The following NTM variants were observed in gnomAD, a reference collection of about 807,000 sequenced individuals.
The protein encoded by NTM is IgLON family member 2.
Under a neutral mutation model 42.1 loss-of-function variants are expected in NTM, and 13 were observed. The observed-to-expected ratio is 0.31, with a 90% CI of 0.20 to 0.49. The LOEUF is 0.49. Among genes scored for constraint, NTM ranks in the 20% least tolerant of loss-of-function variants. The probability of loss-of-function intolerance (pLI) is 0.99; values close to 1 mark genes in which losing one functional copy is unlikely to be tolerated. For missense variants in NTM, 373 were observed against 452.8 expected, an observed-to-expected ratio of 0.82 and a Z score of 1.60; for synonymous variants, 187 against 179.2, an observed-to-expected ratio of 1.04 and a Z score of -0.35.
At chr11:132,029,312 T>G (rs141465817) in intron 2 of NTM, among the ~76,000 whole-genome samples, 7,327 of 151,350 alleles carry the variant, frequency 0.048, 247 homozygotes, top group Non-Finnish European at 0.073. Context: ...TTAACATTAG[T>G]TATATCTCCT....
intron 1 of NTM, among the ~76,000 whole-genome samples, chr11:131,527,010 T>A (rs2050582196): frequency 6.6e-6 from 1 of 152,190 alleles, no homozygotes; most frequent in East Asian, 1.9e-4. Context: ...GCAGTTTAGT[T>A]GGTGATTTCA....
intron 1 of NTM, chr11:131,582,278 C>A (rs754790357): frequency 6.6e-6 from 1 of 152,216 alleles, no homozygotes; most frequent in Non-Finnish European, 1.5e-5. Flanking sequence ...GGACTCGAAT[C>A]TACGCCGACT....
At chr11:132,223,373 T>C (rs1016953840) in intron 4 of NTM, among the ~76,000 whole-genome samples, 1 of 152,110 alleles carries the variant, frequency 6.6e-6, no homozygotes, top group African/African-American at 2.4e-5. Context: ...ATTGTAGACT[T>C]AAATAGAGTG....
intron 2 of NTM, among the ~76,000 whole-genome samples, chr11:132,059,713 G>A (rs1054792831): frequency 3.3e-5 from 5 of 151,840 alleles, no homozygotes; most frequent in African/African-American, 7.3e-5. Context: ...AGAGCCCTTC[G>A]AATCCTCCCC....
chr11:132,024,378 T>C (rs1283050802), intron 2 of NTM, among the ~76,000 whole-genome samples: 1 of 152,190 alleles, frequency 6.6e-6, no homozygotes, highest in Non-Finnish European at 1.5e-5. Context: ...AATCTGCAGA[T>C]GCTCAAACCC....
chr11:131,713,207 A>C (rs2077356060), intron 1 of NTM, among the ~76,000 whole-genome samples: 1 of 152,224 alleles, frequency 6.6e-6, no homozygotes, highest in Non-Finnish European at 1.5e-5. Context: ...CAAAACGGAA[A>C]CATGGTTAAG....
At chr11:131,839,933 G>C (rs2044013643) in intron 1 of NTM, among the ~76,000 whole-genome samples, 2 of 152,214 alleles carry the variant, frequency 1.3e-5, no homozygotes, top group Admixed American at 6.5e-5. Context: ...TTGAGTATTA[G>C]AGACAGGGAG....
intron 1 of NTM, chr11:131,796,317 G>A (rs559909538): frequency 1.8e-3 from 499 of 282,896 alleles, no homozygotes; most frequent in African/African-American, 0.01. Flanking sequence ...GAGCACGCAG[G>A]AGGCAGGAGG....
At position 131,604,200 on chromosome 11, in the gene NTM, C is replaced by CT. The variant is rs372730069; in HGVS notation, c.82+233319dup. On this transcript the variant is annotated intron_variant, in intron 1 of 8. Coordinates refer to ENST00000683400, the MANE Select transcript of NTM (RefSeq NM_001352005.2). ...CTCCTCAATCCTTGTTATGATCTGT[C>CT]TTTTTTTACTATAACCTTCCTCGTG... is the stretch of plus-strand genomic sequence containing the variant. 4.6e-5 allele frequency among the ~76,000 whole-genome samples: 7 copies of CT among 152,138 alleles called. No individual in the cohort carries two copies. In the East Asian group the frequency reaches 5.8e-4, roughly 13 times the overall value.
At chr11:131,849,172 G>A (rs746373628) in intron 1 of NTM, among the ~76,000 whole-genome samples, 13 of 152,194 alleles carry the variant, frequency 8.5e-5, no homozygotes, top group Admixed American at 1.3e-4. Flanking sequence ...AGATAGTGAC[G>A]TAGATCCTGC....
chr11:131,552,270 A>G (rs1430218234), intron 1 of NTM, among the ~76,000 whole-genome samples: 1 of 152,200 alleles, frequency 6.6e-6, no homozygotes, highest in African/African-American at 2.4e-5. Flanking sequence ...AGTATCACGC[A>G]CGGCTGGAGA....
intron 3 of NTM, among the ~76,000 whole-genome samples, chr11:132,180,600 A>G (rs2077424631): frequency 6.6e-6 from 1 of 152,020 alleles, no homozygotes; most frequent in Non-Finnish European, 1.5e-5. Flanking sequence ...CAACCAACCA[A>G]CCGAACAAAA....
At chr11:131,466,248 C>T (rs557350450) in intron 1 of NTM, among the ~76,000 whole-genome samples, 5 of 152,238 alleles carry the variant, frequency 3.3e-5, no homozygotes, top group South Asian at 2.1e-4. Context: ...AGATGTTAAC[C>T]GAGAGATGAG....
At chr11:132,183,938 C>A (rs542934373) in intron 3 of NTM, among the ~76,000 whole-genome samples, 1 of 151,986 alleles carries the variant, frequency 6.6e-6, no homozygotes, top group South Asian at 2.1e-4. Flanking sequence ...AACTATGATG[C>A]CTGCTAATCT....
chr11:131,804,273 C>T (rs1458750562), intron 1 of NTM, among the ~76,000 whole-genome samples: 2 of 152,160 alleles, frequency 1.3e-5, no homozygotes, highest in Non-Finnish European at 2.9e-5. Flanking sequence ...AATAAAAAGC[C>T]GTTAATGATA....
intron 2 of NTM, among the ~76,000 whole-genome samples, chr11:132,116,806 C>T (rs776058281): frequency 2.0e-5 from 3 of 152,206 alleles, no homozygotes; most frequent in Non-Finnish European, 4.4e-5. Flanking sequence ...GATGGCTCAG[C>T]CCCTTTCCGT....
At chr11:131,576,766 A>T (rs898175640) in intron 1 of NTM, among the ~76,000 whole-genome samples, 11 of 152,212 alleles carry the variant, frequency 7.2e-5, no homozygotes, top group Non-Finnish European at 1.5e-4. Context: ...ATAATAACAT[A>T]ATCATTAATG....
chr11:131,618,628 T>G (rs959009928), intron 1 of NTM, among the ~76,000 whole-genome samples: 5 of 152,210 alleles, frequency 3.3e-5, no homozygotes, highest in African/African-American at 1.2e-4. Flanking sequence ...GAGCCCACTT[T>G]AAAACCTCCC....
At chr11:131,829,820 T>A (rs2042589520) in intron 1 of NTM, among the ~76,000 whole-genome samples, 1 of 152,156 alleles carries the variant, frequency 6.6e-6, no homozygotes, top group East Asian at 1.9e-4. Context: ...ATTCCCTTTT[T>A]TCTGCAGCCT....
Sources: allele counts gnomAD v4.1 joint callset (sites outside exome capture counted in the v4.1 genomes callset), GRCh38; gene constraint gnomAD v4.1.1; transcripts MANE v1.5; gene names NCBI Gene and HGNC (gene_info 2026-07-23, HGNC 2026-07-21).